EVC2: variants seen among roughly 807,000 people sequenced by gnomAD.
EVC2 encodes limbin.
EVC2 carries 148 observed loss-of-function variants against 149.3 expected under a neutral mutation model. The ratio of observed to expected loss-of-function variants is 0.99; its 90% CI spans 0.87 to 1.14. The LOEUF (loss-of-function observed/expected upper bound fraction) is 1.14. EVC2 is among the 50% of genes most tolerant of loss of function. The pLI is 0.00. For synonymous variants in EVC2, 776 were observed against 649.9 expected, an observed-to-expected ratio of 1.19 and a Z score of -2.95; for missense variants, 1,854 against 1,627.3, an observed-to-expected ratio of 1.14 and a Z score of -2.40.
At chr4:5,583,871 T>C (rs1712031134) in intron 17 of EVC2, among the ~76,000 whole-genome samples, 1 of 151,876 alleles carries the variant, frequency 6.6e-6, no homozygotes, top group Admixed American at 6.6e-5. Context: ...TTTTTTTTTT[T>C]TTGAGACGGA....
At chr4:5,542,289 A>G (rs1721528079), downstream of EVC2, among the ~76,000 whole-genome samples, 2 of 152,012 alleles carry the variant, frequency 1.3e-5, no homozygotes, top group African/African-American at 4.8e-5. Context: ...CCACCTCTAG[A>G]AATAATTTTT....
chr4:5,647,389 G>A (rs935154181), intron 9 of EVC2, among the ~76,000 whole-genome samples: 5 of 152,102 alleles, frequency 3.3e-5, no homozygotes, highest in African/African-American at 4.8e-5. Flanking sequence ...TTTGATGCTC[G>A]AATTTTACCA....
chr4:5,578,884 A>G (rs114009199), intron 17 of EVC2, among the ~76,000 whole-genome samples: 246 of 152,256 alleles, frequency 1.6e-3, no homozygotes, highest in African/African-American at 5.8e-3. Context: ...GGAATCATGG[A>G]TGGCTTCACA....
chr4:5,656,226 G>A (rs560128544), intron 9 of EVC2, among the ~76,000 whole-genome samples: 21 of 152,244 alleles, frequency 1.4e-4, no homozygotes, highest in Admixed American at 3.9e-4. Flanking sequence ...AGAGGTAACC[G>A]TTCCCAGCAT....
chr4:5,624,424 G>A (rs891841894), intron 13 of EVC2, among the ~76,000 whole-genome samples: 1 of 152,166 alleles, frequency 6.6e-6, no homozygotes, highest in Non-Finnish European at 1.5e-5. Context: ...TAACCAGAGA[G>A]AATCAATTCA....
At chr4:5,558,333 A>G (rs533668844), downstream of EVC2, among the ~76,000 whole-genome samples, 21 of 152,344 alleles carry the variant, frequency 1.4e-4, no homozygotes, top group Admixed American at 1.1e-3. Flanking sequence ...TAGAGATAGT[A>G]AAATGATCAG....
rs1333307466 is a variant in EVC2 at position 5,696,678 on chromosome 4, G to A, written c.283+915C>T. Among the ~76,000 whole-genome samples, 1 of 152,198 alleles carries A rather than the reference G, an allele frequency of 6.6e-6. No homozygotes were observed. Among genetic ancestry groups the A allele is most frequent in the African/African-American group, 2.4e-5 (1 of 41,446 alleles). Reference sequence around the variant, plus strand: ...GGGCGGCTGAGAGGGAAGGAGAAAGGCAGAGCCGTAGGAGCATTGAGAACC... The same window carrying A: ...GGGCGGCTGAGAGGGAAGGAGAAAGACAGAGCCGTAGGAGCATTGAGAACC... On this transcript the variant is annotated intron_variant, in intron 2 of 21. Transcript: ENST00000344408. This position sits in a 1 kb window ranked among gnomAD's most constrained non-coding sequence, Gnocchi z 4.1.
chr4:5,532,743 C>T, the EVC2 span, among the ~76,000 whole-genome samples: 2 of 151,990 alleles, frequency 1.3e-5, no homozygotes, highest in African/African-American at 2.4e-5. Flanking sequence ...TTTAAGACTT[C>T]GTCAAGCACA....
chr4:5,632,159 C>A, intron 10 of EVC2, 127 bp from the exon 11 acceptor site: 1 of 1,265,204 alleles, frequency 7.9e-7, no homozygotes, highest in Non-Finnish European at 1.1e-6. Context: ...GATGCATGCA[C>A]ATATGCATTA....
intron 21 of EVC2, among the ~76,000 whole-genome samples, chr4:5,549,726 T>C (rs1721696833): frequency 6.6e-6 from 1 of 152,124 alleles, no homozygotes; most frequent in Non-Finnish European, 1.5e-5. Context: ...TATCCAAAGT[T>C]TAGAAGTAAA....
intron 19 of EVC2, among the ~76,000 whole-genome samples, chr4:5,574,414 GAGA>G (rs1560131242): frequency 6.6e-6 from 1 of 152,198 alleles, no homozygotes; most frequent in African/African-American, 2.4e-5. Flanking sequence ...GTTAAAGATT[GAGA>G]AGAAGGACAA....
chr4:5,625,653 T>TTCTGATCCTTCTGATCCTTCTG lies in EVC2; in HGVS notation c.2046+95_2046+96insCAGAAGGATCAGAAGGATCAGA. 2 of 1,530,468 alleles carry TTCTGATCCTTCTGATCCTTCTG rather than the reference T, an allele frequency of 1.3e-6. No homozygotes were observed. The highest frequency in any genetic ancestry group is 2.3e-5 in the South Asian group (2 of 87,228). The allele number at this position is 1,530,468 out of a possible 1,614,324, so 94.8% of individuals were successfully genotyped here. A position where few individuals can be genotyped will look rare whatever the true frequency, so the allele number is the denominator to read the frequency against. On this transcript the variant is annotated intron_variant, in intron 13 of 21. Coordinates refer to ENST00000344408, the MANE Select transcript of EVC2 (RefSeq NM_147127.5). The surrounding 1 kb of genome is among the most constrained non-coding windows in gnomAD (Gnocchi z 4.0). ...GCCTGCCCAGCTGCCCTTCTGATCC[T>TTCTGATCCTTCTGATCCTTCTG]AGTTCACCAATGGCAATGTCTGGCA...
At chr4:5,599,412 T>A (rs1406164996) in intron 16 of EVC2, among the ~76,000 whole-genome samples, 4 of 152,170 alleles carry the variant, frequency 2.6e-5, no homozygotes, top group Non-Finnish European at 5.9e-5. Context: ...TGAGTTCATG[T>A]CATTTGTAGG....
intron 16 of EVC2, among the ~76,000 whole-genome samples, chr4:5,596,259 A>C (rs1713406280): frequency 6.6e-6 from 1 of 152,172 alleles, no homozygotes. Flanking sequence ...AAATCAACAG[A>C]ATATACATTT....
At chr4:5,591,618 T>C (rs6823189) in intron 16 of EVC2, among the ~76,000 whole-genome samples, 16,400 of 152,204 alleles carry the variant, frequency 0.11, 1,754 homozygotes, top group African/African-American at 0.27. Flanking sequence ...GCCTTTTGTA[T>C]ATACTGTATG....
rs571692208 is a variant in EVC2, at chr4:5,646,678, GGTTT to G, written c.1146-5844_1146-5841del. ...CCTTCAATGGTGAATAATGAGTTTGGGTTTGTTTGTTTATCAGCTTGTTTCGTTA... is the reference window on the plus strand; with the variant it reads ...CCTTCAATGGTGAATAATGAGTTTGGGTTTGTTTATCAGCTTGTTTCGTTA... On this transcript the variant is annotated intron_variant, in intron 9 of 21. Coordinates refer to ENST00000344408, the MANE Select transcript of EVC2 (RefSeq NM_147127.5). 7.9e-5 allele frequency among the ~76,000 whole-genome samples: 12 copies of G among 152,192 alleles called. 2 individuals carry two copies. In the South Asian group the frequency reaches 1.9e-3, roughly 24 times the overall value.
intron 4 of EVC2, 60 bp from the exon 5 acceptor site, chr4:5,689,403 G>A: frequency 1.3e-6 from 2 of 1,574,362 alleles, no homozygotes; most frequent in Non-Finnish European, 1.7e-6. Flanking sequence ...TTCCTAAAAT[G>A]GGGCATGAGC....
intron 17 of EVC2, among the ~76,000 whole-genome samples, chr4:5,580,063 T>C (rs2108782860): frequency 6.6e-6 from 1 of 152,270 alleles, no homozygotes; most frequent in South Asian, 2.1e-4. Context: ...AGTCTAAATC[T>C]TTCATCAGAT....
At chr4:5,675,849 C>T (rs1719949015) in intron 7 of EVC2, among the ~76,000 whole-genome samples, 1 of 152,160 alleles carries the variant, frequency 6.6e-6, no homozygotes, top group African/African-American at 2.4e-5. Flanking sequence ...GAGGCCGAGG[C>T]AGGAGAATTG....
Sources: gnomAD v4.1 joint callset for allele counts (sites outside exome capture counted in the v4.1 genomes callset) on GRCh38, gnomAD v4.1.1 for gene constraint, Gnocchi (gnomAD v3.1) non-coding constraint, MANE v1.5 for transcripts, NCBI Gene and HGNC (gene_info 2026-07-23, HGNC 2026-07-21) for gene names.